The following DDX10 variants were observed in gnomAD, a reference collection of about 807,000 sequenced individuals.
The protein encoded by DDX10 is DEAD-box helicase 10.
DDX10 carries 74 observed loss-of-function variants against 104.3 expected under a neutral mutation model. That is an observed-to-expected ratio of 0.71 (90% CI 0.59 to 0.86). The LOEUF (loss-of-function observed/expected upper bound fraction) is 0.86. DDX10 is among the 40% of genes least tolerant of loss of function. The probability of loss-of-function intolerance (pLI) is 0.00; values close to 1 mark genes in which losing one functional copy is unlikely to be tolerated. For synonymous variants in DDX10, 351 were observed against 353.4 expected (o/e 0.99, Z 0.08); for missense variants, 952 against 1,040.0 (o/e 0.92, Z 1.16).
chr11:108,801,177 A>G (rs1015963692), intron 13 of DDX10, among the ~76,000 whole-genome samples: 4 of 152,150 alleles, frequency 2.6e-5, no homozygotes, highest in African/African-American at 9.7e-5. Context: ...CAGTTTTGTC[A>G]AGAAAATGCT....
intron 13 of DDX10, among the ~76,000 whole-genome samples, chr11:108,750,168 C>T (rs2094336584): frequency 6.6e-6 from 1 of 152,084 alleles, no homozygotes. Context: ...ATTTGAGAAA[C>T]TGGTTGTTGG....
chr11:108,713,292 T>C (rs903220498), intron 10 of DDX10, among the ~76,000 whole-genome samples: 1 of 152,150 alleles, frequency 6.6e-6, no homozygotes, highest in African/African-American at 2.4e-5. Context: ...GTTTCTGTTC[T>C]CTTTCTGATA....
At chr11:108,893,826 T>C (rs1057362994) in intron 16 of DDX10, among the ~76,000 whole-genome samples, 1 of 152,088 alleles carries the variant, frequency 6.6e-6, no homozygotes, top group African/African-American at 2.4e-5. Flanking sequence ...AGGTATTTCT[T>C]TTCTCCAGAG....
intron 16 of DDX10, among the ~76,000 whole-genome samples, chr11:108,879,182 A>G (rs1863193545): frequency 6.6e-6 from 1 of 152,042 alleles, no homozygotes; most frequent in Non-Finnish European, 1.5e-5. Context: ...TTTGTAATTT[A>G]GTAGAGACCG....
At chr11:108,854,631 GAA>G (rs1477029699) in intron 16 of DDX10, among the ~76,000 whole-genome samples, 1 of 152,300 alleles carries the variant, frequency 6.6e-6, no homozygotes, top group African/African-American at 2.4e-5. Context: ...GAAAGTGTAA[GAA>G]AGGGAGGACT....
intron 13 of DDX10, among the ~76,000 whole-genome samples, chr11:108,790,334 A>G (rs1443316790): frequency 6.6e-6 from 1 of 152,204 alleles, no homozygotes; most frequent in Non-Finnish European, 1.5e-5. Context: ...AATGAACTAC[A>G]AAGAGAATAT....
rs142381520 is a variant in DDX10, at chr11:108,837,607, C to CTTTTTTTTTTTTTTTTTTTTT, written c.1966-824_1966-804dup. On this transcript the variant is annotated intron_variant, in intron 13 of 17. Coordinates refer to ENST00000322536, the MANE Select transcript of DDX10 (RefSeq NM_004398.4). ...TTCTGCATCTCACCTTTGGATACAG[C>CTTTTTTTTTTTTTTTTTTTTT]TTTTTTTTTTTTTTTTTTTTTTTTT... 1.7e-4 allele frequency among the ~76,000 whole-genome samples: 6 copies of CTTTTTTTTTTTTTTTTTTTTT among 34,748 alleles called. 1 individual carries two copies. Among genetic ancestry groups the CTTTTTTTTTTTTTTTTTTTTT allele is most frequent in the Non-Finnish European group, 3.0e-4 (6 of 20,186 alleles). The allele number at this position is 34,748 out of a possible 152,430, so 22.8% of individuals were successfully genotyped here. A position where few individuals can be genotyped will look rare whatever the true frequency, so the allele number is the denominator to read the frequency against.
chr11:108,894,884 A>AT (rs751669770), intron 16 of DDX10, among the ~76,000 whole-genome samples: 7 of 152,018 alleles, frequency 4.6e-5, no homozygotes, highest in Non-Finnish European at 1.0e-4. Context: ...AAAGAGTATT[A>AT]TAAGTGATTG....
chr11:108,826,403 C>T (rs1862395786), intron 13 of DDX10, among the ~76,000 whole-genome samples: 2 of 152,270 alleles, frequency 1.3e-5, no homozygotes, highest in South Asian at 4.1e-4. Context: ...CTAACATTCA[C>T]AAAAGGCCGG....
At chr11:108,866,203 A>G (rs1863006374) in intron 16 of DDX10, among the ~76,000 whole-genome samples, 1 of 152,188 alleles carries the variant, frequency 6.6e-6, no homozygotes, top group Non-Finnish European at 1.5e-5. Context: ...CCTGGGGAAC[A>G]GCAACAGTTA....
chr11:108,738,251 CT>C (rs55902143), intron 13 of DDX10, among the ~76,000 whole-genome samples: 10 of 144,106 alleles, frequency 6.9e-5, no homozygotes, highest in South Asian at 2.2e-4. Flanking sequence ...TGAGACTGAA[CT>C]TTTTTTTTTT....
intron 13 of DDX10, among the ~76,000 whole-genome samples, chr11:108,770,490 C>G (rs1381168385): frequency 8.4e-6 from 1 of 119,480 alleles, no homozygotes; most frequent in Non-Finnish European, 1.7e-5. Context: ...CATCCCCCCT[C>G]CCCCCTCCCC....
chr11:108,726,937 A>C (rs2094306073), intron 13 of DDX10, among the ~76,000 whole-genome samples: 1 of 152,126 alleles, frequency 6.6e-6, no homozygotes, highest in Non-Finnish European at 1.5e-5. Flanking sequence ...GTAAACATTA[A>C]GGTGATGACG....
intron 13 of DDX10, among the ~76,000 whole-genome samples, chr11:108,724,413 G>A (rs777301256): frequency 3.3e-5 from 5 of 151,820 alleles, no homozygotes; most frequent in East Asian, 1.9e-4. Flanking sequence ...TACAGGTGAC[G>A]GAAAAAAAAT....
chr11:108,731,569 A>G lies in DDX10; in HGVS notation c.1965+8107A>G, dbSNP rs769318260. Among the ~76,000 whole-genome samples, 16 of 150,114 alleles carry G rather than the reference A, an allele frequency of 1.1e-4. No individual in the cohort carries two copies. In the South Asian group the frequency reaches 1.3e-3, roughly 12 times the overall value. ...TCTCTGTCACCCAGATTGGAGTGCA[A>G]TGGTGTCATCATGGCTCGCTGCAGC... On this transcript the variant is annotated intron_variant, in intron 13 of 17. Transcript: ENST00000322536.
At chr11:108,711,667 A>G (rs953924521) in intron 10 of DDX10, among the ~76,000 whole-genome samples, 1 of 152,214 alleles carries the variant, frequency 6.6e-6, no homozygotes, top group Non-Finnish European at 1.5e-5. Context: ...TTGTGGTCTG[A>G]AAGCAGATAT....
intron 17 of DDX10, among the ~76,000 whole-genome samples, chr11:108,928,077 A>G (rs1863930726): frequency 6.6e-6 from 1 of 152,196 alleles, no homozygotes; most frequent in South Asian, 2.1e-4. Context: ...TATGCTGTTT[A>G]CCAGTGAGAG....
At chr11:108,720,916 C>G (rs2134474150) in intron 12 of DDX10, among the ~76,000 whole-genome samples, 1 of 148,504 alleles carries the variant, frequency 6.7e-6, no homozygotes, top group East Asian at 2.0e-4. Context: ...TTTTTTAAAC[C>G]TTTTGACCTA....
At chr11:108,774,334 T>C (rs1302351233) in intron 13 of DDX10, among the ~76,000 whole-genome samples, 1 of 152,268 alleles carries the variant, frequency 6.6e-6, no homozygotes, top group Non-Finnish European at 1.5e-5. Context: ...CTGAGTTGTT[T>C]ACCATTGTTC....
Sources: allele counts gnomAD v4.1 joint callset (sites outside exome capture counted in the v4.1 genomes callset), GRCh38; gene constraint gnomAD v4.1.1; transcripts MANE v1.5; gene names NCBI Gene and HGNC (gene_info 2026-07-23, HGNC 2026-07-21).